Variants in HCRTR2 observed in about 807,000 individuals in gnomAD.
The protein encoded by HCRTR2 is orexin receptor type 2.
HCRTR2 carries 22 observed loss-of-function variants against 49.0 expected under a neutral mutation model. The ratio of observed to expected loss-of-function variants is 0.45; its 90% confidence interval spans 0.32 to 0.64. The LOEUF (loss-of-function observed/expected upper bound fraction) is 0.64. Ranked by LOEUF, HCRTR2 falls within the 30% of genes least tolerant of loss-of-function variation. The pLI, the probability that HCRTR2 is intolerant of heterozygous loss-of-function variation, is 0.04. For missense variants in HCRTR2, 491 were observed against 559.4 expected (o/e 0.88, Z 1.23); for synonymous variants, 236 against 205.3 (o/e 1.15, Z -1.28).
chr6:55,246,960 A>G (rs1766456630), intron 1 of HCRTR2, among the ~76,000 whole-genome samples: 1 of 152,114 alleles, frequency 6.6e-6, no homozygotes, highest in African/African-American at 2.4e-5. Context: ...TGTCCAAAAT[A>G]CAGAGTTAAA....
chr6:55,168,315 T>A lies in HCRTR2; in HGVS notation c.-377-5896T>A, dbSNP rs141744866. ...AAATACAACTGGATTTTTTTAAATA[T>A]GTAAAATTTATATAATTTTACAAAT... is the stretch of plus-strand genomic sequence containing the variant. On this transcript the variant is annotated intron_variant, in intron 1 of 7. Transcript: ENST00000615358. 5.7e-3 allele frequency among the ~76,000 whole-genome samples: 872 copies of A among 152,298 alleles called. 6 individuals are homozygous for A. The highest frequency in any genetic ancestry group is 0.02 in the African/African-American group (828 of 41,536).
intron 1 of HCRTR2, among the ~76,000 whole-genome samples, chr6:55,226,679 C>G (rs142789449): frequency 6.8e-6 from 1 of 146,856 alleles, no homozygotes; most frequent in East Asian, 2.1e-4. Flanking sequence ...TATGTTTAGG[C>G]TCTGCTTGTA....
intron 1 of HCRTR2, among the ~76,000 whole-genome samples, chr6:55,186,601 T>C (rs866333459): frequency 1.3e-5 from 2 of 152,244 alleles, no homozygotes; most frequent in Middle Eastern, 3.2e-3. Flanking sequence ...CTTTAAATGA[T>C]ACGCTATATT....
At chr6:55,272,847 C>CG (rs1348439336) in intron 4 of HCRTR2, among the ~76,000 whole-genome samples, 3 of 111,310 alleles carry the variant, frequency 2.7e-5, no homozygotes, top group African/African-American at 1.0e-4. Flanking sequence ...GAGGGAAAAC[C>CG]TTTTTTTTTT....
chr6:55,165,989 G>A (rs759699697), intron 1 of HCRTR2, among the ~76,000 whole-genome samples: 4 of 151,764 alleles, frequency 2.6e-5, no homozygotes, highest in Non-Finnish European at 5.9e-5. Context: ...ACTTTATTAA[G>A]TTAGATTCCC....
At chr6:55,180,647 T>C (rs1223229315) in intron 1 of HCRTR2, among the ~76,000 whole-genome samples, 1 of 152,210 alleles carries the variant, frequency 6.6e-6, no homozygotes, top group Non-Finnish European at 1.5e-5. Context: ...GTGCTATTTT[T>C]AGACACAATT....
chr6:55,172,255 G>A (rs1283595978), upstream of HCRTR2, among the ~76,000 whole-genome samples: 1 of 152,138 alleles, frequency 6.6e-6, no homozygotes, highest in Non-Finnish European at 1.5e-5. Flanking sequence ...TCTCTTAATA[G>A]AGCCTTTTTG....
At chr6:55,250,738 C>A (rs1766533420) in intron 2 of HCRTR2, among the ~76,000 whole-genome samples, 1 of 152,082 alleles carries the variant, frequency 6.6e-6, no homozygotes, top group Non-Finnish European at 1.5e-5. Flanking sequence ...TTTCACACAG[C>A]AGAACTATTT....
intron 1 of HCRTR2, among the ~76,000 whole-genome samples, chr6:55,144,414 A>C (rs1301733811): frequency 1.3e-5 from 2 of 151,776 alleles, no homozygotes; most frequent in Non-Finnish European, 2.9e-5. Flanking sequence ...ACCTTCCACC[A>C]TGACAGCTCT....
chr6:55,273,323 A>G (rs79644570), intron 4 of HCRTR2, among the ~76,000 whole-genome samples: 4,126 of 152,186 alleles, frequency 0.027, 205 homozygotes, highest in African/African-American at 0.092. Context: ...AATGGGTAAT[A>G]GGTTAAGGAA....
At chr6:55,180,965 A>ATTT (rs11441768) in intron 1 of HCRTR2, among the ~76,000 whole-genome samples, 2,001 of 139,334 alleles carry the variant, frequency 0.014, 27 homozygotes, top group Middle Eastern at 0.022. Flanking sequence ...ATGCCCAGCT[A>ATTT]TTTTTTTTTT....
chr6:55,126,015 C>T (rs1764270933), intron 1 of HCRTR2, among the ~76,000 whole-genome samples: 1 of 152,004 alleles, frequency 6.6e-6, no homozygotes, highest in South Asian at 2.1e-4. Context: ...AGCAATTACT[C>T]TAGCCTTTTT....
intron 1 of HCRTR2, among the ~76,000 whole-genome samples, chr6:55,117,874 TTTTTTCTG>T (rs869133373): frequency 1.0e-4 from 8 of 77,278 alleles, no homozygotes; most frequent in Admixed American, 4.9e-4. Flanking sequence ...CTGTTTGTTT[TTTTTTCTG>T]TTTTTCCTTT....
intron 1 of HCRTR2, among the ~76,000 whole-genome samples, chr6:55,118,117 AT>A (rs1163500822): frequency 6.6e-6 from 1 of 151,618 alleles, no homozygotes; most frequent in African/African-American, 2.4e-5. Flanking sequence ...TGTTCTCATC[AT>A]TTAGCTCCCA....
chr6:55,256,078 G>A (rs1263457027), intron 3 of HCRTR2, among the ~76,000 whole-genome samples: 2 of 152,090 alleles, frequency 1.3e-5, no homozygotes, highest in African/African-American at 2.4e-5. Flanking sequence ...AGGTTTTTGT[G>A]TAACAGTGAG....
intron 3 of HCRTR2, among the ~76,000 whole-genome samples, chr6:55,259,318 A>G (rs1766711577): frequency 6.6e-6 from 1 of 152,124 alleles, no homozygotes; most frequent in East Asian, 1.9e-4. Flanking sequence ...GTATAAGTCT[A>G]TTAATGGGAA....
chr6:55,234,112 CA>C (rs571468891), intron 1 of HCRTR2, among the ~76,000 whole-genome samples: 27 of 152,234 alleles, frequency 1.8e-4, no homozygotes, highest in Middle Eastern at 3.4e-3. Flanking sequence ...TTTATGACAG[CA>C]AAATGATATA....
intron 1 of HCRTR2, among the ~76,000 whole-genome samples, chr6:55,179,616 G>A (rs777288942): frequency 2.6e-5 from 4 of 152,070 alleles, no homozygotes; most frequent in Admixed American, 6.5e-5. Flanking sequence ...AATGCAATGA[G>A]TTATTTCTGT....
At chr6:55,244,068 T>C (rs1305314882) in intron 1 of HCRTR2, among the ~76,000 whole-genome samples, 1 of 152,062 alleles carries the variant, frequency 6.6e-6, no homozygotes, top group Non-Finnish European at 1.5e-5. Flanking sequence ...CGGAATATGT[T>C]TGACACACAG....
Sources: allele counts gnomAD v4.1 joint callset (sites outside exome capture counted in the v4.1 genomes callset), GRCh38; gene constraint gnomAD v4.1.1; transcripts MANE v1.5; gene names NCBI Gene and HGNC (gene_info 2026-07-23, HGNC 2026-07-21).